KIAA1217: variants seen among roughly 807,000 people sequenced by gnomAD.
KIAA1217 encodes the protein sickle tail protein homolog.
A neutral mutation model predicts 163.9 loss-of-function variants in KIAA1217; 88 were observed. That is an observed-to-expected ratio of 0.54 (90% confidence interval 0.45 to 0.64). The LOEUF (loss-of-function observed/expected upper bound fraction) is 0.64, where lower values mean the gene tolerates loss of function less well. KIAA1217 is among the 30% of genes least tolerant of loss of function. KIAA1217 has a pLI of 0.00. For synonymous variants in KIAA1217, 903 were observed against 923.1 expected (o/e 0.98, Z 0.39); for missense variants, 2,372 against 2,475.0 (o/e 0.96, Z 0.88).
intron 1 of KIAA1217, among the ~76,000 whole-genome samples, chr10:23,761,895 G>A (rs1834275454): frequency 2.0e-5 from 3 of 151,770 alleles, no homozygotes; most frequent in African/African-American, 7.3e-5. Context: ...GAATCAAATA[G>A]ACACAACAAA....
chr10:24,347,656 A>C (rs1287384758), intron 2 of KIAA1217, among the ~76,000 whole-genome samples: 7 of 152,158 alleles, frequency 4.6e-5, no homozygotes, highest in Non-Finnish European at 1.0e-4. Flanking sequence ...GAATGAAAAA[A>C]TATACTAGGA....
At chr10:24,398,914 A>G (rs752323721) in intron 3 of KIAA1217, among the ~76,000 whole-genome samples, 2 of 152,136 alleles carry the variant, frequency 1.3e-5, no homozygotes, top group African/African-American at 2.4e-5. Context: ...TTTATAGGGA[A>G]ACTGCCTTTC....
chr10:24,300,970 G>T (rs1017119256), intron 2 of KIAA1217, among the ~76,000 whole-genome samples: 1 of 151,872 alleles, frequency 6.6e-6, no homozygotes, highest in Non-Finnish European at 1.5e-5. Flanking sequence ...CAGCCACCAC[G>T]CCCGGCTGAT....
intron 1 of KIAA1217, among the ~76,000 whole-genome samples, chr10:23,770,011 T>C (rs1564405245): frequency 6.6e-6 from 1 of 152,332 alleles, no homozygotes; most frequent in South Asian, 2.1e-4. Context: ...CCAAAGTGGG[T>C]AATCAGACCT....
chr10:24,037,291 C>A (rs1284647900), intron 2 of KIAA1217, among the ~76,000 whole-genome samples: 3 of 151,910 alleles, frequency 2.0e-5, no homozygotes, highest in Non-Finnish European at 2.9e-5. Context: ...CTTGGTGAAA[C>A]CCTGTCTCTA....
intron 5 of KIAA1217, among the ~76,000 whole-genome samples, chr10:24,442,708 A>G (rs1206511139): frequency 6.6e-6 from 1 of 151,992 alleles, no homozygotes; most frequent in African/African-American, 2.4e-5. Context: ...ATTTTGGGGA[A>G]TGTGGGAGGA....
chr10:24,136,546 G>A (rs977363494), intron 2 of KIAA1217, among the ~76,000 whole-genome samples: 1 of 152,086 alleles, frequency 6.6e-6, no homozygotes, highest in African/African-American at 2.4e-5. Flanking sequence ...ACCGGAACGC[G>A]GTCAAATGAC....
At chr10:24,105,228 A>C (rs1418196114) in intron 2 of KIAA1217, among the ~76,000 whole-genome samples, 1 of 152,210 alleles carries the variant, frequency 6.6e-6, no homozygotes, top group African/African-American at 2.4e-5. Context: ...GAGAAAATTC[A>C]AGCATCCCAG....
chr10:23,696,641 A>C lies in KIAA1217; in HGVS notation c.-321+1407A>C, dbSNP rs538513567. On this transcript the variant is annotated intron_variant, in intron 1 of 18. Coordinates refer to the KIAA1217 transcript ENST00000376462. ...TGTGGTCTCAGCACTTTGGGAGCTT[A>C]CAGTCTGTGCTAGAAGTGGTTTGGA... 2.6e-5 allele frequency among the ~76,000 whole-genome samples: 4 copies of C among 152,282 alleles called. No homozygotes were observed. The East Asian group carries it at 7.8e-4, about 30-fold the overall frequency.
chr10:24,275,686 A>C, intron 2 of KIAA1217: 3 of 512,622 alleles, frequency 5.9e-6, no homozygotes, highest in Non-Finnish European at 1.2e-5. Context: ...TGCAGGCAAG[A>C]TTGATGCTGT....
intron 2 of KIAA1217, among the ~76,000 whole-genome samples, chr10:24,089,592 G>T (rs1206264550): frequency 6.6e-6 from 1 of 151,726 alleles, no homozygotes; most frequent in Non-Finnish European, 1.5e-5. Flanking sequence ...GTTTGTCAAA[G>T]ATCAGATAGT....
chr10:23,751,945 T>A (rs961417224), intron 1 of KIAA1217, among the ~76,000 whole-genome samples: 1 of 152,214 alleles, frequency 6.6e-6, no homozygotes. Flanking sequence ...TCTGGAAAAC[T>A]ATTTTTATAG....
chr10:24,227,830 C>G (rs1034851289), intron 2 of KIAA1217, among the ~76,000 whole-genome samples: 1 of 152,150 alleles, frequency 6.6e-6, no homozygotes, highest in Non-Finnish European at 1.5e-5. Flanking sequence ...CTGCGCCCGG[C>G]CAATATGAGC....
chr10:23,979,053 T>A (rs1015572501), intron 1 of KIAA1217, among the ~76,000 whole-genome samples: 1 of 152,138 alleles, frequency 6.6e-6, no homozygotes, highest in African/African-American at 2.4e-5. Context: ...GATCATCAGG[T>A]AAGGAATACT....
chr10:24,029,424 G>A (rs1180000127), intron 2 of KIAA1217, among the ~76,000 whole-genome samples: 1 of 152,042 alleles, frequency 6.6e-6, no homozygotes, highest in African/African-American at 2.4e-5. Flanking sequence ...GAGTATTCAG[G>A]GACTGGTGTG....
intron 9 of KIAA1217, among the ~76,000 whole-genome samples, chr10:24,509,041 G>A (rs2068745570): frequency 6.6e-6 from 1 of 152,188 alleles, no homozygotes; most frequent in Admixed American, 6.5e-5. Context: ...TTTATTGTCT[G>A]TAAACTTTGT....
In KIAA1217 at chr10:24,416,450, G is replaced by A. The variant is rs560828727; in HGVS notation, c.554-16545G>A. On this transcript the variant is annotated intron_variant, in intron 3 of 20. Transcript: ENST00000376454. ...TTCTGTTCCTGGCTTTGATGCTGAC[G>A]CTTGGGAAACACCCCTTGTCTTTCT... Among the ~76,000 whole-genome samples, 338 of 152,308 alleles carry A rather than the reference G, an allele frequency of 2.2e-3. 1 individual carries two copies. Among genetic ancestry groups the A allele is most frequent in the African/African-American group, 7.8e-3 (326 of 41,564 alleles).
intron 4 of KIAA1217, 45 bp downstream of exon 4, chr10:24,433,238 T>C: frequency 6.7e-7 from 1 of 1,490,026 alleles, no homozygotes; most frequent in East Asian, 2.3e-5. Flanking sequence ...GCCTTAGAGT[T>C]TTTTTTGTTT....
chr10:24,203,343 G>A (rs149048145), intron 2 of KIAA1217, among the ~76,000 whole-genome samples: 173 of 152,232 alleles, frequency 1.1e-3, no homozygotes, highest in African/African-American at 3.8e-3. Flanking sequence ...AGATCCTAAG[G>A]TATTCATCAA....
Sources: allele counts gnomAD v4.1 joint callset (sites outside exome capture counted in the v4.1 genomes callset), GRCh38; gene constraint gnomAD v4.1.1; transcripts MANE v1.5; gene names NCBI Gene and HGNC (gene_info 2026-07-23, HGNC 2026-07-21).